PKD2L2: variants seen among roughly 807,000 people sequenced by gnomAD.
The protein encoded by PKD2L2 is polycystin-2-like protein 2.
Under a neutral mutation model 83.9 loss-of-function variants are expected in PKD2L2, and 67 were observed. That is an observed-to-expected ratio of 0.80 (90% CI 0.66 to 0.98). The LOEUF is 0.98. Ranked by LOEUF, PKD2L2 falls within the 50% of genes least tolerant of loss-of-function variation. The pLI, the probability that PKD2L2 is intolerant of heterozygous loss-of-function variation, is 0.00. For synonymous variants in PKD2L2, 223 were observed against 237.8 expected, an observed-to-expected ratio of 0.94 and a Z score of 0.57; for missense variants, 632 against 717.2, an observed-to-expected ratio of 0.88 and a Z score of 1.36.
chr5:137,938,677 A>C (rs1267982464), intron 14 of PKD2L2: 1 of 150,390 alleles, frequency 6.6e-6, no homozygotes, highest in Non-Finnish European at 1.5e-5. Flanking sequence ...GGCATTGCAC[A>C]CACGGGTGAA....
chr5:137,890,205 C>G, intron 1 of PKD2L2: 1 of 243,664 alleles, frequency 4.1e-6, no homozygotes, highest in East Asian at 1.0e-4. Flanking sequence ...ATCGCTTGAA[C>G]CGGGGAGGCG....
At chr5:137,910,244 A>G (rs1003938331) in intron 8 of PKD2L2, among the ~76,000 whole-genome samples, 1 of 143,996 alleles carries the variant, frequency 6.9e-6, no homozygotes, top group African/African-American at 2.5e-5. Context: ...TAATAATAAT[A>G]ATAATAATAA....
At chr5:137,930,501 T>G (rs1328563056) in intron 12 of PKD2L2, among the ~76,000 whole-genome samples, 2 of 151,676 alleles carry the variant, frequency 1.3e-5, no homozygotes, top group African/African-American at 2.4e-5. Flanking sequence ...TAAAACCCCA[T>G]CTCTATTAAA....
At chr5:137,902,458 G>A (rs1757041679) in intron 5 of PKD2L2, among the ~76,000 whole-genome samples, 2 of 151,838 alleles carry the variant, frequency 1.3e-5, no homozygotes, top group African/African-American at 4.8e-5. Flanking sequence ...AGCCTACTCA[G>A]TATGAGGGCA....
intron 5 of PKD2L2, among the ~76,000 whole-genome samples, chr5:137,903,039 A>G (rs1283634601): frequency 6.6e-6 from 1 of 152,232 alleles, no homozygotes; most frequent in Non-Finnish European, 1.5e-5. Context: ...AGTGGCTTAC[A>G]ATAAATATTT....
At position 137,936,359 on chromosome 5, in the gene PKD2L2, C is replaced by A; in HGVS notation, c.1824C>A (p.His608Gln). 6.5e-7 allele frequency: 1 copy of A among 1,532,084 alleles called. No individual in the cohort carries two copies. The highest frequency in any genetic ancestry group is 8.7e-7 in the Non-Finnish European group (1 of 1,143,048). The allele number at this position is 1,532,084 out of a possible 1,614,324, so 94.9% of individuals were successfully genotyped here. A position where few individuals can be genotyped will look rare whatever the true frequency, so the allele number is the denominator to read the frequency against. Residue 608 changes from histidine to glutamine, a missense_variant, in exon 14 of 15, where the codon CAC becomes CAA. Coordinates refer to ENST00000508883, the MANE Select transcript of PKD2L2 (RefSeq NM_001300921.2). ...LYAVELEKEL[H>Q]YINLKLNQVV... The stretch of plus-strand genomic sequence containing the variant: ...CTGTGGAGCTGGAGAAGGAATTACA[C>A]TACATCAATTTGAAGCTAAATCAAG...
intron 8 of PKD2L2, among the ~76,000 whole-genome samples, chr5:137,913,200 T>C: frequency 6.8e-6 from 1 of 147,760 alleles, no homozygotes; most frequent in Admixed American, 6.7e-5. Context: ...TTTTTTTTTT[T>C]TTTGAGACAG....
rs1757488426 is a variant in PKD2L2 at position 137,907,849 on chromosome 5, T to G, written c.1083T>G (p.Leu361=). The G allele has an allele frequency of 6.5e-7, 1 of 1,546,142 alleles. No homozygotes were observed. Among genetic ancestry groups the G allele is most frequent in the Non-Finnish European group, 8.9e-7 (1 of 1,123,232 alleles). ...STEKYSDFYF[L]ACWHIYYNNI... Reference sequence around the variant, plus strand: ...AAAAATATTCAGATTTCTATTTTCTTGCATGCTGGCACATTTATTACAATA... The same window carrying G: ...AAAAATATTCAGATTTCTATTTTCTGGCATGCTGGCACATTTATTACAATA... Residue 361 remains leucine (L), a synonymous_variant, in exon 7 of 15, where the codon CTT becomes CTG. Transcript: ENST00000508883.
chr5:137,908,788 C>T lies in PKD2L2; in HGVS notation c.1170C>T (p.Asn390=), dbSNP rs1757570002. The T allele has an allele frequency of 2.6e-6, 4 of 1,562,284 alleles. No individual in the cohort carries two copies. Among genetic ancestry groups the T allele is most frequent in the Admixed American group, 1.9e-5 (1 of 53,434 alleles). The change falls in exon 8 of 15, where the codon AAC becomes AAT. Residue 390 remains asparagine, a synonymous_variant. Coordinates refer to ENST00000508883, the MANE Select transcript of PKD2L2 (RefSeq NM_001300921.2). The part of the protein sequence containing the change: ...WIKIFKFISF[N]KTMSQLSSTL... Reference sequence around the variant, plus strand: ...AGATATTCAAATTCATAAGCTTTAACAAGACAATGTCTCAGCTGTCATCAA... The same window carrying T: ...AGATATTCAAATTCATAAGCTTTAATAAGACAATGTCTCAGCTGTCATCAA...
At chr5:137,897,304 G>A (rs995013694) in intron 4 of PKD2L2, among the ~76,000 whole-genome samples, 5 of 151,804 alleles carry the variant, frequency 3.3e-5, no homozygotes, top group East Asian at 1.9e-4. Context: ...CAATTCACCC[G>A]CCTCGGCCTC....
intron 14 of PKD2L2, among the ~76,000 whole-genome samples, chr5:137,937,330 A>G (rs1373369833): frequency 6.6e-6 from 1 of 152,204 alleles, no homozygotes; most frequent in Non-Finnish European, 1.5e-5. Context: ...GGTGTAATGC[A>G]TTTAAGGTTT....
At chr5:137,923,551 T>A in intron 10 of PKD2L2, 30 bp downstream of exon 10, 1 of 1,011,332 alleles carries the variant, frequency 9.9e-7, no homozygotes, top group Non-Finnish European at 1.6e-6. Context: ...TAATTAGAAT[T>A]CTAAGACAAA....
In PKD2L2 at chr5:137,936,407, A is replaced by C. The variant is rs1760399012; in HGVS notation, c.1872A>C (p.Leu624=). The change falls in exon 14 of 15, where the codon CTA becomes CTC. Residue 624 remains leucine (L), a synonymous_variant. Transcript: ENST00000508883. ...LNQVVRKVSA[L] is the part of the protein sequence containing the mutation. ...AAGTGGTGAGAAAGGTTTCAGCTCT[A>C]TAGTATTGAGACAAGTGGAGGTAAG... is the stretch of plus-strand genomic sequence containing the variant. 6.5e-7 allele frequency: 1 copy of C among 1,534,614 alleles called. No homozygotes were observed. Among genetic ancestry groups the C allele is most frequent in the African/African-American group, 1.4e-5 (1 of 72,996 alleles).
At chr5:137,891,556 T>C (rs1279912902) in intron 2 of PKD2L2, among the ~76,000 whole-genome samples, 4 of 152,134 alleles carry the variant, frequency 2.6e-5, no homozygotes. Context: ...GAAAACTACA[T>C]GCTTACTACA....
intron 8 of PKD2L2, among the ~76,000 whole-genome samples, chr5:137,920,660 G>C (rs182539376): frequency 0.024 from 3,669 of 152,154 alleles, 76 homozygotes; most frequent in Non-Finnish European, 0.034. Context: ...AGGAGGCTGA[G>C]GCAGGAGAAT....
intron 8 of PKD2L2, among the ~76,000 whole-genome samples, chr5:137,909,740 G>T (rs1279582672): frequency 6.6e-6 from 1 of 151,590 alleles, no homozygotes; most frequent in African/African-American, 2.4e-5. Context: ...TAGCCATGTT[G>T]CCCAGGCTGG....
In PKD2L2 at chr5:137,939,361, T is replaced by A; in HGVS notation, c.*17+2934T>A. The A allele has an allele frequency of 1.3e-5, 2 of 152,738 alleles. 1 individual carries two copies. Among genetic ancestry groups the A allele is most frequent in the Admixed American group, 1.3e-4 (2 of 15,278 alleles). 9.5% of individuals were successfully genotyped at this position (152,738 alleles called of 1,614,324 possible). A position where few individuals can be genotyped will look rare whatever the true frequency, so the allele number is the denominator to read the frequency against. On this transcript the variant is annotated intron_variant, in intron 14 of 14. Coordinates refer to ENST00000508883, the MANE Select transcript of PKD2L2 (RefSeq NM_001300921.2). ...ATTGAACACACAAATCTGAGCACCA[T>A]CAGAGTTCCTACATACTGACATGGC...
At chr5:137,901,998 GAA>G in intron 5 of PKD2L2, among the ~76,000 whole-genome samples, 1 of 142,134 alleles carries the variant, frequency 7.0e-6, no homozygotes, top group African/African-American at 2.6e-5. Flanking sequence ...TGTGGATATG[GAA>G]AAAAAAAAAA....
At chr5:137,916,891 T>A (rs1296484043) in intron 8 of PKD2L2, among the ~76,000 whole-genome samples, 9 of 152,178 alleles carry the variant, frequency 5.9e-5, no homozygotes, top group Non-Finnish European at 1.3e-4. Context: ...TTGTATGTGA[T>A]GAGCTGTCAA....
Sources: gnomAD v4.1 joint callset for allele counts (sites outside exome capture counted in the v4.1 genomes callset) on GRCh38, gnomAD v4.1.1 for gene constraint, MANE v1.5 for transcripts, NCBI Gene and HGNC (gene_info 2026-07-23, HGNC 2026-07-21) for gene names.